C12orf42: variants seen among roughly 807,000 people sequenced by gnomAD.
C12orf42 encodes the protein chromosome 12 open reading frame 42.
A neutral mutation model predicts 21.6 loss-of-function variants in C12orf42; 25 were observed. The ratio of observed to expected loss-of-function variants is 1.16; its 90% CI spans 0.84 to 1.62. C12orf42 has a LOEUF of 1.62. Ranked by LOEUF, C12orf42 falls within the 40% of genes most tolerant of loss-of-function variation. The probability of loss-of-function intolerance (pLI) is 0.00; values close to 1 mark genes in which losing one functional copy is unlikely to be tolerated. For missense variants in C12orf42, 483 were observed against 459.3 expected, an observed-to-expected ratio of 1.05 and a Z score of -0.47; for synonymous variants, 174 against 175.0, an observed-to-expected ratio of 0.99 and a Z score of 0.05.
intron 5 of C12orf42, among the ~76,000 whole-genome samples, chr12:103,270,552 ATATTT>A (rs1156556332): frequency 9.8e-5 from 14 of 143,010 alleles, no homozygotes; most frequent in Admixed American, 2.8e-4. Context: ...GATTTGATCA[ATATTT>A]TATTTTATTT....
chr12:103,492,701 C>T (rs1198325242), intron 1 of C12orf42, among the ~76,000 whole-genome samples: 1 of 152,158 alleles, frequency 6.6e-6, no homozygotes, highest in Non-Finnish European at 1.5e-5. Flanking sequence ...CATGCCACAT[C>T]ATAGATCCCA....
At chr12:103,253,512 G>T (rs1461662995) in intron 10 of C12orf42, among the ~76,000 whole-genome samples, 4 of 152,044 alleles carry the variant, frequency 2.6e-5, no homozygotes, top group Non-Finnish European at 5.9e-5. Context: ...TCCTTGAAGA[G>T]GTCCTTCATG....
the C12orf42 span, among the ~76,000 whole-genome samples, chr12:103,118,523 GCGCGGT>G: frequency 2.0e-5 from 3 of 152,180 alleles, no homozygotes; most frequent in East Asian, 5.8e-4. Context: ...TTTTGGCTGG[GCGCGGT>G]GGCTCATGCC....
At chr12:103,114,616 C>A in the C12orf42 span, among the ~76,000 whole-genome samples, 1 of 152,162 alleles carries the variant, frequency 6.6e-6, no homozygotes, top group East Asian at 1.9e-4. Context: ...ACCTTCTCTG[C>A]CCCTCAGCTT....
At chr12:103,329,866 TATTA>T (rs1253016567) in intron 4 of C12orf42, among the ~76,000 whole-genome samples, 2 of 151,782 alleles carry the variant, frequency 1.3e-5, no homozygotes, top group Non-Finnish European at 2.9e-5. Context: ...GATAAATATA[TATTA>T]ATATTATATA....
At chr12:103,457,598 C>T (rs752466953) in intron 2 of C12orf42, among the ~76,000 whole-genome samples, 2 of 152,150 alleles carry the variant, frequency 1.3e-5, no homozygotes, top group Non-Finnish European at 2.9e-5. Flanking sequence ...TTTTAAATTA[C>T]ATTTAGTTCC....
the C12orf42 span, among the ~76,000 whole-genome samples, chr12:103,128,646 A>G: frequency 6.6e-6 from 1 of 152,098 alleles, no homozygotes; most frequent in Non-Finnish European, 1.5e-5. Context: ...GGTTGTTGTA[A>G]AGTTTAGAGG....
At chr12:103,168,766 C>G in the C12orf42 span, among the ~76,000 whole-genome samples, 1 of 152,106 alleles carries the variant, frequency 6.6e-6, no homozygotes, top group Non-Finnish European at 1.5e-5. Context: ...AACCCAAATG[C>G]TCTTCAATAT....
chr12:103,145,531 A>T, the C12orf42 span, among the ~76,000 whole-genome samples: 5 of 152,348 alleles, frequency 3.3e-5, no homozygotes, highest in East Asian at 9.6e-4. Context: ...GTAGAAGATT[A>T]AATTGATACA....
intron 4 of C12orf42, among the ~76,000 whole-genome samples, chr12:103,340,618 T>C (rs1234099921): frequency 9.2e-5 from 14 of 152,026 alleles, no homozygotes; most frequent in Non-Finnish European, 1.5e-5. Context: ...ATCTAATCAG[T>C]TCTTACCAGG....
At chr12:103,346,149 G>C (rs913295971) in intron 4 of C12orf42, among the ~76,000 whole-genome samples, 1 of 152,096 alleles carries the variant, frequency 6.6e-6, no homozygotes, top group Admixed American at 6.5e-5. Flanking sequence ...CTACAACATA[G>C]AGGAAGCAGA....
intron 2 of C12orf42, among the ~76,000 whole-genome samples, chr12:103,412,400 A>G (rs2374067): frequency 0.83 from 126,149 of 152,228 alleles, 52,308 homozygotes; most frequent in Admixed American, 0.88. Flanking sequence ...TGGGCGCAGT[A>G]GCTCACGCCT....
chr12:103,170,882 G>T, the C12orf42 span, among the ~76,000 whole-genome samples: 1 of 152,156 alleles, frequency 6.6e-6, no homozygotes, highest in East Asian at 1.9e-4. Context: ...ATATCTTAAA[G>T]ATCATCTAGT....
intron 10 of C12orf42, among the ~76,000 whole-genome samples, chr12:103,247,716 C>T (rs947266543): frequency 6.6e-6 from 1 of 151,918 alleles, no homozygotes; most frequent in African/African-American, 2.4e-5. Flanking sequence ...CTAGCTGGGC[C>T]AAGCTTCCTG....
chr12:103,212,830 A>G, the C12orf42 span, among the ~76,000 whole-genome samples: 3 of 152,088 alleles, frequency 2.0e-5, no homozygotes, highest in African/African-American at 4.8e-5. Context: ...CATAGTATCT[A>G]TGATTATTGT....
chr12:103,434,302 C>T (rs1324395823), intron 2 of C12orf42, among the ~76,000 whole-genome samples: 2 of 152,196 alleles, frequency 1.3e-5, no homozygotes, highest in African/African-American at 2.4e-5. Context: ...AGCCCTGGGT[C>T]ACATGCCTGC....
intron 2 of C12orf42, chr12:103,472,017 G>A (rs924016617): frequency 7.0e-6 from 1 of 143,762 alleles, no homozygotes; most frequent in Non-Finnish European, 1.5e-5. Flanking sequence ...CTACCTACAG[G>A]TTAAAAACAA....
chr12:103,186,257 C>T, the C12orf42 span, among the ~76,000 whole-genome samples: 45 of 152,094 alleles, frequency 3.0e-4, no homozygotes, highest in Non-Finnish European at 5.1e-4. Flanking sequence ...GAAAGAAGTT[C>T]GTAGGGTTCC....
intron 3 of C12orf42, among the ~76,000 whole-genome samples, chr12:103,388,287 A>G (rs538861052): frequency 7.7e-4 from 117 of 152,152 alleles, no homozygotes; most frequent in African/African-American, 2.6e-3. Context: ...AGCTGATGTA[A>G]CAGGTCCCAA....
Sources: allele counts gnomAD v4.1 joint callset (sites outside exome capture counted in the v4.1 genomes callset), GRCh38; gene constraint gnomAD v4.1.1; transcripts MANE v1.5; gene names NCBI Gene and HGNC (gene_info 2026-07-23, HGNC 2026-07-21).